Variants in SEMA6D observed in about 807,000 individuals in gnomAD.
SEMA6D encodes the protein semaphorin-6D.
In SEMA6D, 35 loss-of-function variants were observed where a neutral mutation model predicts 106.6. The observed-to-expected ratio is 0.33, with a 90% CI of 0.25 to 0.44. SEMA6D has a LOEUF of 0.44. Ranked by LOEUF, SEMA6D falls within the 20% of genes least tolerant of loss-of-function variation. SEMA6D has a pLI of 1.00. For missense variants in SEMA6D, 1,185 were observed against 1,345.9 expected (o/e 0.88, Z 1.87); for synonymous variants, 499 against 487.7 (o/e 1.02, Z -0.31).
intron 3 of SEMA6D, among the ~76,000 whole-genome samples, chr15:47,567,678 A>G (rs908382071): frequency 2.0e-5 from 3 of 152,238 alleles, no homozygotes; most frequent in African/African-American, 7.2e-5. Context: ...TCTAGTTCTT[A>G]TAACTGTCTA....
intron 2 of SEMA6D, among the ~76,000 whole-genome samples, chr15:47,441,202 C>A (rs1441479038): frequency 1.3e-5 from 2 of 152,058 alleles, no homozygotes; most frequent in Non-Finnish European, 2.9e-5. Context: ...TCCTTCCAGA[C>A]AAGTGTTGCC....
chr15:47,584,131 T>G (rs2076297866), intron 3 of SEMA6D, among the ~76,000 whole-genome samples: 2 of 152,136 alleles, frequency 1.3e-5, no homozygotes, highest in African/African-American at 4.8e-5. Context: ...AACAGAACTT[T>G]CATGTGTAAT....
At chr15:47,671,274 C>A (rs2078131597) in intron 4 of SEMA6D, among the ~76,000 whole-genome samples, 1 of 152,004 alleles carries the variant, frequency 6.6e-6, no homozygotes, top group Admixed American at 6.6e-5. Context: ...AGAGAGCTGT[C>A]AAAAGTGATC....
intron 4 of SEMA6D, among the ~76,000 whole-genome samples, chr15:47,653,691 A>T (rs2077736281): frequency 6.6e-6 from 1 of 152,284 alleles, no homozygotes; most frequent in Non-Finnish European, 1.5e-5. Flanking sequence ...CTAATATTTC[A>T]TATGCCTTGC....
intron 1 of SEMA6D, among the ~76,000 whole-genome samples, chr15:47,306,100 G>T (rs766956619): frequency 6.6e-6 from 1 of 151,980 alleles, no homozygotes; most frequent in Non-Finnish European, 1.5e-5. Flanking sequence ...TCCTGTCTCA[G>T]CCTCCCCAGT....
At chr15:47,578,001 T>C (rs561055031) in intron 3 of SEMA6D, among the ~76,000 whole-genome samples, 1 of 152,366 alleles carries the variant, frequency 6.6e-6, no homozygotes, top group South Asian at 2.1e-4. Context: ...CCTTTATAGA[T>C]AGTAACAGTG....
intron 3 of SEMA6D, among the ~76,000 whole-genome samples, chr15:47,536,774 G>A (rs1320966195): frequency 6.6e-6 from 1 of 152,086 alleles, no homozygotes; most frequent in Non-Finnish European, 1.5e-5. Flanking sequence ...AATTCCCAAA[G>A]ATGGTATTAT....
At chr15:47,354,199 C>CTATA (rs58550689) in intron 1 of SEMA6D, among the ~76,000 whole-genome samples, 1 of 70,320 alleles carries the variant, frequency 1.4e-5, no homozygotes, top group Non-Finnish European at 4.3e-5. Flanking sequence ...CTCTCTCTCT[C>CTATA]TATATATATA....
At chr15:47,437,793 A>G (rs1314582628) in intron 2 of SEMA6D, among the ~76,000 whole-genome samples, 1 of 152,146 alleles carries the variant, frequency 6.6e-6, no homozygotes, top group Non-Finnish European at 1.5e-5. Context: ...GTAACACTCA[A>G]TAAAAACCTT....
intron 4 of SEMA6D, among the ~76,000 whole-genome samples, chr15:47,657,955 T>A (rs1007024007): frequency 1.3e-5 from 2 of 151,760 alleles, no homozygotes; most frequent in Admixed American, 6.6e-5. Context: ...TTAGCCAGGA[T>A]GGTCTCGATC....
At chr15:47,364,257 A>C (rs993585887) in intron 1 of SEMA6D, among the ~76,000 whole-genome samples, 4 of 152,136 alleles carry the variant, frequency 2.6e-5, no homozygotes, top group Non-Finnish European at 5.9e-5. Flanking sequence ...TTGTGGAACT[A>C]TTTTCATGCC....
intron 1 of SEMA6D, among the ~76,000 whole-genome samples, chr15:47,410,565 GA>G (rs1293216093): frequency 6.6e-6 from 1 of 152,186 alleles, no homozygotes; most frequent in Non-Finnish European, 1.5e-5. Flanking sequence ...TGGCTAAACA[GA>G]AAAGGTTTTC....
At chr15:47,696,297 C>T (rs974567291) in intron 4 of SEMA6D, among the ~76,000 whole-genome samples, 7 of 152,166 alleles carry the variant, frequency 4.6e-5, no homozygotes, top group African/African-American at 1.7e-4. Context: ...TCCCCACAAG[C>T]CAAAGTTGTC....
At chr15:47,374,156 C>T (rs1026537432) in intron 1 of SEMA6D, among the ~76,000 whole-genome samples, 6 of 152,098 alleles carry the variant, frequency 3.9e-5, no homozygotes, top group Non-Finnish European at 7.4e-5. Context: ...ATGTTAATAA[C>T]GACTTCTCTG....
At chr15:47,184,629 G>T (rs1263663168) in intron 1 of SEMA6D, among the ~76,000 whole-genome samples, 2 of 152,200 alleles carry the variant, frequency 1.3e-5, no homozygotes, top group African/African-American at 4.8e-5. Flanking sequence ...CATGGCCCGA[G>T]GCGGCGGCAG....
Position 47,402,747 on chromosome 15 carries a change from CTT to C in SEMA6D, c.-238-9628_-238-9627del, listed in dbSNP as rs11344225. Among the ~76,000 whole-genome samples the C allele has an allele frequency of 5.5e-3, 667 of 121,442 alleles. 3 individuals carry two copies. The highest frequency in any genetic ancestry group is 9.3e-3 in the Middle Eastern group (2 of 216). 79.7% of individuals were successfully genotyped at this position (121,442 alleles called of 152,430 possible). On this transcript the variant is annotated intron_variant, in intron 1 of 19. Transcript: ENST00000558014. ...CTAAGTAACTTCTTTGTGAGCCAGA[CTT>C]TTTTTTTTTTTTTTTTTGGTTATGC...
intron 1 of SEMA6D, among the ~76,000 whole-genome samples, chr15:47,741,176 AG>A (rs1189324110): frequency 6.6e-6 from 1 of 152,160 alleles, no homozygotes; most frequent in African/African-American, 2.4e-5. Flanking sequence ...TCTCTGCTGC[AG>A]GGATTAAGAC....
intron 1 of SEMA6D, among the ~76,000 whole-genome samples, chr15:47,338,005 T>A (rs1034607004): frequency 6.6e-6 from 1 of 152,218 alleles, no homozygotes; most frequent in Non-Finnish European, 1.5e-5. Flanking sequence ...TAAGAGTGAA[T>A]GCAGCTATAT....
At chr15:47,638,721 ACCAAGGAGGCGCTT>A (rs2077435076) in intron 4 of SEMA6D, among the ~76,000 whole-genome samples, 1 of 152,190 alleles carries the variant, frequency 6.6e-6, no homozygotes, top group African/African-American at 2.4e-5. Context: ...GGCACATGAC[ACCAAGGAGGCGCTT>A]CCTCTCTGCT....
Sources: gnomAD v4.1 joint callset for allele counts (sites outside exome capture counted in the v4.1 genomes callset) on GRCh38, gnomAD v4.1.1 for gene constraint, MANE v1.5 for transcripts, NCBI Gene and HGNC (gene_info 2026-07-23, HGNC 2026-07-21) for gene names.